Variants in PCDH15 observed in about 807,000 individuals in gnomAD.
The protein encoded by PCDH15 is protocadherin-15.
Under a neutral mutation model 178.5 loss-of-function variants are expected in PCDH15, and 129 were observed. The ratio of observed to expected loss-of-function variants is 0.72; its 90% CI spans 0.63 to 0.84. PCDH15 has a LOEUF of 0.84. Ranked by LOEUF, PCDH15 falls within the 40% of genes least tolerant of loss-of-function variation. The pLI is 0.00. For missense variants in PCDH15, 2,230 were observed against 2,099.9 expected (o/e 1.06, Z -1.21); for synonymous variants, 800 against 732.0 (o/e 1.09, Z -1.50).
intron 1 of PCDH15, among the ~76,000 whole-genome samples, chr10:55,294,286 T>C (rs1450184141): frequency 6.6e-6 from 1 of 152,200 alleles, no homozygotes; most frequent in Non-Finnish European, 1.5e-5. Flanking sequence ...ACGATGAGAT[T>C]TGGGTAGGGA....
At chr10:54,047,318 T>G (rs1435489146) in intron 18 of PCDH15, among the ~76,000 whole-genome samples, 1 of 150,968 alleles carries the variant, frequency 6.6e-6, no homozygotes, top group Non-Finnish European at 1.5e-5. Context: ...TTTTTTCCAG[T>G]ACCAACTATA....
At chr10:53,904,916 C>T (rs1589347316) in intron 25 of PCDH15, among the ~76,000 whole-genome samples, 3 of 150,758 alleles carry the variant, frequency 2.0e-5, no homozygotes. Flanking sequence ...CTTTTCAGAA[C>T]TCTTAGAGTG....
intron 1 of PCDH15, among the ~76,000 whole-genome samples, chr10:54,712,961 C>T (rs72794535): frequency 1.1e-3 from 165 of 151,982 alleles, no homozygotes; most frequent in Middle Eastern, 3.4e-3. Flanking sequence ...TGATAGAAAA[C>T]GTTGGCACAG....
intron 3 of PCDH15, among the ~76,000 whole-genome samples, chr10:54,501,918 C>T (rs956959558): frequency 3.3e-5 from 5 of 151,954 alleles, no homozygotes; most frequent in African/African-American, 9.7e-5. Flanking sequence ...GCATGCATAT[C>T]CATCTGTAAT....
intron 1 of PCDH15, among the ~76,000 whole-genome samples, chr10:55,229,702 C>T (rs1841157064): frequency 6.6e-6 from 1 of 151,852 alleles, no homozygotes; most frequent in African/African-American, 2.4e-5. Flanking sequence ...ATAGACCAAT[C>T]CAGTAAATGA....
intron 2 of PCDH15, among the ~76,000 whole-genome samples, chr10:55,348,727 A>C (rs1844829338): frequency 1.3e-5 from 2 of 152,156 alleles, no homozygotes; most frequent in African/African-American, 4.8e-5. Flanking sequence ...GGAATAGTGC[A>C]AATGTGCTGA....
chr10:55,152,592 G>A (rs1232537417), intron 2 of PCDH15, among the ~76,000 whole-genome samples: 1 of 152,152 alleles, frequency 6.6e-6, no homozygotes, highest in African/African-American at 2.4e-5. Flanking sequence ...AGATGACACA[G>A]GTCTTATGTG....
chr10:54,273,269 A>C (rs1406963266), intron 8 of PCDH15, among the ~76,000 whole-genome samples: 1 of 152,128 alleles, frequency 6.6e-6, no homozygotes, highest in East Asian at 1.9e-4. Flanking sequence ...TACTGAATAC[A>C]GCAAAAGCTG....
At chr10:54,543,082 G>A (rs554028002) in intron 2 of PCDH15, among the ~76,000 whole-genome samples, 54 of 152,228 alleles carry the variant, frequency 3.5e-4, no homozygotes, top group African/African-American at 1.3e-3. Flanking sequence ...AGTTTGGTCC[G>A]GGGAAGTTGG....
At chr10:53,924,970 C>G (rs1378836066) in intron 25 of PCDH15, among the ~76,000 whole-genome samples, 1 of 152,166 alleles carries the variant, frequency 6.6e-6, no homozygotes, top group Non-Finnish European at 1.5e-5. Flanking sequence ...CCAATCAGCA[C>G]CCTGTCAAAA....
chr10:55,354,675 G>C (rs1387276577), intron 2 of PCDH15, among the ~76,000 whole-genome samples: 1 of 151,936 alleles, frequency 6.6e-6, no homozygotes, highest in Non-Finnish European at 1.5e-5. Flanking sequence ...ATTCATAATA[G>C]GGCTGCTTTC....
At chr10:55,343,987 AG>A (rs1565035180) in intron 2 of PCDH15, among the ~76,000 whole-genome samples, 1 of 152,150 alleles carries the variant, frequency 6.6e-6, no homozygotes, top group East Asian at 1.9e-4. Flanking sequence ...GGTGATAAAG[AG>A]GAGGTGTTAT....
chr10:54,130,239 T>C (rs527720100), intron 15 of PCDH15, among the ~76,000 whole-genome samples: 2 of 152,236 alleles, frequency 1.3e-5, no homozygotes, highest in Admixed American at 6.5e-5. Context: ...AAAAAAACTT[T>C]GAAGTGAAAG....
chr10:55,136,050 C>A (rs748922388), intron 2 of PCDH15, among the ~76,000 whole-genome samples: 1 of 152,082 alleles, frequency 6.6e-6, no homozygotes, highest in African/African-American at 2.4e-5. Context: ...AAATGAATTT[C>A]ATATCTGGGC....
At chr10:55,164,073 T>G (rs564467646) in intron 2 of PCDH15, among the ~76,000 whole-genome samples, 1 of 152,150 alleles carries the variant, frequency 6.6e-6, no homozygotes, top group Admixed American at 6.5e-5. Context: ...GCCTTCCTGT[T>G]GTCAACGGTG....
intron 3 of PCDH15, among the ~76,000 whole-genome samples, chr10:54,427,469 G>A (rs1380524995): frequency 1.3e-5 from 2 of 150,784 alleles, no homozygotes; most frequent in Non-Finnish European, 3.0e-5. Context: ...GTAGAGACGG[G>A]GTTTCTCCTT....
At chr10:54,600,598 C>G (rs1436157614) in intron 2 of PCDH15, 1 of 586,494 alleles carries the variant, frequency 1.7e-6, no homozygotes, top group East Asian at 4.4e-5. Flanking sequence ...CATGAAGAGA[C>G]CTTTGAGGAG....
Position 54,097,234 on chromosome 10 carries a change from G to A in PCDH15, c.1918-7171C>T, listed in dbSNP as rs139202935. ...CAAATTTTTAACTGTACCTAATTTCGTGCAGAGTAATTATATCTATCCCTC... is the reference window on the plus strand; with the variant it reads ...CAAATTTTTAACTGTACCTAATTTCATGCAGAGTAATTATATCTATCCCTC... On this transcript the variant is annotated intron_variant, in intron 15 of 37. Coordinates refer to ENST00000644397, the MANE Select transcript of PCDH15 (RefSeq NM_001384140.1). Among the ~76,000 whole-genome samples, 334 of 152,170 alleles carry A rather than the reference G, an allele frequency of 2.2e-3. 1 individual carries two copies. Among genetic ancestry groups the A allele is most frequent in the African/African-American group, 7.1e-3 (295 of 41,514 alleles).
chr10:54,759,542 G>A (rs1947593136), intron 1 of PCDH15, among the ~76,000 whole-genome samples: 1 of 152,028 alleles, frequency 6.6e-6, no homozygotes, highest in South Asian at 2.1e-4. Context: ...CAGTTCCTTA[G>A]GCATATATGA....
Sources: allele counts gnomAD v4.1 joint callset (sites outside exome capture counted in the v4.1 genomes callset), GRCh38; gene constraint gnomAD v4.1.1; transcripts MANE v1.5; gene names NCBI Gene and HGNC (gene_info 2026-07-23, HGNC 2026-07-21).